Variants in MRTFA observed in about 807,000 individuals in gnomAD.
MRTFA encodes myocardin-related transcription factor A.
A neutral mutation model predicts 83.5 loss-of-function variants in MRTFA; 20 were observed. The observed-to-expected ratio is 0.24, with a 90% CI of 0.17 to 0.35. The LOEUF is 0.35. Among genes scored for constraint, MRTFA ranks in the 10% least tolerant of loss-of-function variants. The pLI is 1.00. For synonymous variants in MRTFA, 659 were observed against 541.2 expected (o/e 1.22, Z -3.02); for missense variants, 1,200 against 1,224.7 (o/e 0.98, Z 0.30).
intron 2 of MRTFA, among the ~76,000 whole-genome samples, 183 bp downstream of exon 2, chr22:40,594,491 G>C (rs565719099): frequency 1.3e-5 from 2 of 152,140 alleles, no homozygotes; most frequent in Non-Finnish European, 2.9e-5. Flanking sequence ...TGAGATACTA[G>C]ATGTAGTCCA....
chr22:40,598,826 TAAA>T (rs34817595), intron 1 of MRTFA, among the ~76,000 whole-genome samples: 3 of 136,852 alleles, frequency 2.2e-5, no homozygotes, highest in Non-Finnish European at 3.2e-5. Context: ...GTCGCTACTT[TAAA>T]AAAAAAAAAA....
chr22:40,612,760 C>A (rs761479117), intron 1 of MRTFA, among the ~76,000 whole-genome samples: 2 of 152,172 alleles, frequency 1.3e-5, no homozygotes, highest in Non-Finnish European at 2.9e-5. Flanking sequence ...CCAGCCCGGA[C>A]AACATAGTAA....
rs1244765488 is a variant in MRTFA, at chr22:40,417,440, C to T, written c.2418G>A (p.Leu806=). 4 of 1,605,818 alleles carry T rather than the reference C, an allele frequency of 2.5e-6. No individual in the cohort carries two copies. In the South Asian group the frequency reaches 4.5e-5, roughly 18 times the overall value. Residue 806 remains leucine, a synonymous_variant, in exon 13 of 15, where the codon CTG becomes CTA. Coordinates refer to ENST00000355630, the MANE Select transcript of MRTFA (RefSeq NM_020831.6). ...CAAAGAGGGGCTGCAGTGGGTGCTCCAGGTCCATCTGGGCAGAGGGGGCAG... is the reference window on the plus strand; with the variant it reads ...CAAAGAGGGGCTGCAGTGGGTGCTCTAGGTCCATCTGGGCAGAGGGGGCAG...
chr22:40,463,502 C>T, intron 3 of MRTFA: 1 of 508,848 alleles, frequency 2.0e-6, no homozygotes, highest in South Asian at 2.6e-5. Flanking sequence ...TGCGAAGGGT[C>T]TTGCAGGGCG....
intron 7 of MRTFA, among the ~76,000 whole-genome samples, chr22:40,428,038 G>A (rs901845599): frequency 1.3e-5 from 2 of 152,148 alleles, no homozygotes; most frequent in South Asian, 2.1e-4. Context: ...TGTGCCATCC[G>A]TCCCTCCCTC....
At chr22:40,521,490 G>GAATTAATT (rs201908641) in intron 3 of MRTFA, among the ~76,000 whole-genome samples, 8 of 151,824 alleles carry the variant, frequency 5.3e-5, no homozygotes, top group Admixed American at 2.6e-4. Context: ...CCCACAGCCT[G>GAATTAATT]AATTAATTAA....
intron 3 of MRTFA, among the ~76,000 whole-genome samples, chr22:40,467,645 G>A (rs1053731247): frequency 1.3e-5 from 2 of 151,802 alleles, no homozygotes; most frequent in Admixed American, 1.3e-4. Context: ...CACTCTCACC[G>A]AGAAATATCT....
intron 3 of MRTFA, among the ~76,000 whole-genome samples, chr22:40,518,420 G>A (rs545292382): frequency 2.4e-5 from 3 of 124,330 alleles, no homozygotes; most frequent in Admixed American, 2.3e-4. Context: ...TTGGTTGTTG[G>A]TGAGGGAAAA....
intron 1 of MRTFA, among the ~76,000 whole-genome samples, chr22:40,604,310 T>G (rs1184506244): frequency 6.6e-6 from 1 of 151,856 alleles, no homozygotes; most frequent in African/African-American, 2.4e-5. Flanking sequence ...TTTTGTATTT[T>G]TGGTAGAGAC....
chr22:40,550,830 CT>C (rs1420089079), intron 3 of MRTFA, among the ~76,000 whole-genome samples: 1 of 147,384 alleles, frequency 6.8e-6, no homozygotes, highest in Non-Finnish European at 1.5e-5. Flanking sequence ...CTATATTGTT[CT>C]TTATCCATTT....
At chr22:40,493,786 A>G (rs1359609105) in intron 3 of MRTFA, among the ~76,000 whole-genome samples, 1 of 152,234 alleles carries the variant, frequency 6.6e-6, no homozygotes, top group Non-Finnish European at 1.5e-5. Context: ...CACTTACCAT[A>G]AAACCCAGTA....
At chr22:40,634,652 C>T (rs896789690) in intron 1 of MRTFA, among the ~76,000 whole-genome samples, 1 of 152,138 alleles carries the variant, frequency 6.6e-6, no homozygotes, top group Non-Finnish European at 1.5e-5. Flanking sequence ...CAGCCCCAGC[C>T]CTTAGAAAAA....
chr22:40,429,766 C>A lies in MRTFA; in HGVS notation c.441G>T (p.Glu147Asp), dbSNP rs2053030022. The change falls in exon 7 of 15, where the codon GAG becomes GAT. Residue 147 changes from glutamate to aspartate, a missense_variant and splice_region_variant. Physicochemically the swap from Glu to Asp is conservative, Grantham distance 45. Transcript: ENST00000355630. ...CCTGGAGGGATGGCTCAGCCGAGGT[C>A]TCTGCCCATGGGAGAGAAAGGGGTG... The A allele has an allele frequency of 1.2e-6, 2 of 1,610,310 alleles. No individual in the cohort carries two copies. Among genetic ancestry groups the A allele is most frequent in the Non-Finnish European group, 1.7e-6 (2 of 1,178,330 alleles).
At chr22:40,586,884 AG>A in intron 2 of MRTFA, 1 of 418,872 alleles carries the variant, frequency 2.4e-6, no homozygotes. Flanking sequence ...TTTGGCCTCT[AG>A]TGCTGCTGGT....
At chr22:40,482,308 A>T (rs564924435) in intron 3 of MRTFA, among the ~76,000 whole-genome samples, 1 of 152,152 alleles carries the variant, frequency 6.6e-6, no homozygotes, top group Non-Finnish European at 1.5e-5. Flanking sequence ...TAATAAAAAT[A>T]TTAATAACTA....
intron 7 of MRTFA, among the ~76,000 whole-genome samples, chr22:40,426,713 A>G (rs912104034): frequency 1.7e-4 from 26 of 152,096 alleles, no homozygotes; most frequent in African/African-American, 6.3e-4. Flanking sequence ...TTCCCTGGCC[A>G]CCAACACCTG....
At chr22:40,602,404 T>C (rs1392339256) in intron 1 of MRTFA, among the ~76,000 whole-genome samples, 2 of 152,128 alleles carry the variant, frequency 1.3e-5, no homozygotes, top group African/African-American at 2.4e-5. Context: ...TTGCCAAGAA[T>C]GAACTTGGGA....
intron 1 of MRTFA, among the ~76,000 whole-genome samples, chr22:40,630,662 C>T: frequency 6.6e-6 from 1 of 152,162 alleles, no homozygotes; most frequent in East Asian, 1.9e-4. Flanking sequence ...AATTCCTAAA[C>T]TTCTATACTC....
chr22:40,555,414 GT>G (rs2055505891), intron 2 of MRTFA, among the ~76,000 whole-genome samples: 1 of 151,962 alleles, frequency 6.6e-6, no homozygotes, highest in African/African-American at 2.4e-5. Context: ...ATATCTAGTT[GT>G]TTAAAAGTGT....
Sources: gnomAD v4.1 joint callset for allele counts (sites outside exome capture counted in the v4.1 genomes callset) on GRCh38, gnomAD v4.1.1 for gene constraint, MANE v1.5 for transcripts, NCBI Gene and HGNC (gene_info 2026-07-23, HGNC 2026-07-21) for gene names.